The following NRXN1 variants were observed in gnomAD, a reference collection of about 807,000 sequenced individuals.
NRXN1 encodes neurexin-1.
NRXN1 carries 39 observed loss-of-function variants against 150.9 expected under a neutral mutation model. The ratio of observed to expected loss-of-function variants is 0.26; its 90% CI spans 0.20 to 0.34. NRXN1 has a LOEUF of 0.34. NRXN1 is among the 10% of genes least tolerant of loss of function. NRXN1 has a pLI of 1.00. For missense variants in NRXN1, 1,815 were observed against 1,949.9 expected, an observed-to-expected ratio of 0.93 and a Z score of 1.30; for synonymous variants, 924 against 757.0, an observed-to-expected ratio of 1.22 and a Z score of -3.62.
intron 21 of NRXN1, among the ~76,000 whole-genome samples, chr2:50,052,776 A>G (rs1692928352): frequency 6.8e-6 from 1 of 147,564 alleles, no homozygotes; most frequent in South Asian, 2.2e-4. Context: ...TATACCCATC[A>G]TTCACCAAGA....
chr2:50,179,343 G>C (rs1364523503), intron 18 of NRXN1, among the ~76,000 whole-genome samples: 1 of 152,016 alleles, frequency 6.6e-6, no homozygotes, highest in Admixed American at 6.6e-5. Context: ...TTGTTGATCA[G>C]CTCTGTGCAT....
intron 17 of NRXN1, among the ~76,000 whole-genome samples, chr2:50,352,774 AATATT>A (rs778900243): frequency 0.21 from 26,488 of 127,756 alleles, 2,973 homozygotes; most frequent in East Asian, 0.46. Context: ...TAATAATAAT[AATATT>A]ATAATAATAA....
chr2:50,713,694 A>G (rs1695493851), intron 5 of NRXN1, among the ~76,000 whole-genome samples: 1 of 152,232 alleles, frequency 6.6e-6, no homozygotes, highest in East Asian at 1.9e-4. Flanking sequence ...CAAACAAAAA[A>G]AAACAGATAA....
chr2:50,167,403 C>T (rs1404281072), intron 18 of NRXN1, among the ~76,000 whole-genome samples: 1 of 151,904 alleles, frequency 6.6e-6, no homozygotes, highest in East Asian at 1.9e-4. Flanking sequence ...GTCCTGCCTC[C>T]CCCCCGCCTG....
At position 50,379,470 on chromosome 2, in the gene NRXN1, GC is replaced by G. The variant is rs1357983800; in HGVS notation, c.3364+85971del. Among the ~76,000 whole-genome samples the G allele has an allele frequency of 4.6e-5, 7 of 152,128 alleles. No individual in the cohort carries two copies. The East Asian group carries it at 1.3e-3, about 29-fold the overall frequency. ...ACCTCCCTGAGAATCAGTCTCGCTTGCAGGTAGAGTATTGACTGCTAGGCAG... is the reference window on the plus strand; with the variant it reads ...ACCTCCCTGAGAATCAGTCTCGCTTGAGGTAGAGTATTGACTGCTAGGCAG... On this transcript the variant is annotated intron_variant, in intron 17 of 22. Coordinates refer to ENST00000401669, the MANE Select transcript of NRXN1 (RefSeq NM_001330078.2).
chr2:50,203,229 G>C (rs1349452530), intron 18 of NRXN1, among the ~76,000 whole-genome samples: 1 of 152,124 alleles, frequency 6.6e-6, no homozygotes, highest in Non-Finnish European at 1.5e-5. Flanking sequence ...AAGAGGAATA[G>C]CTATTTTCCT....
intron 10 of NRXN1, among the ~76,000 whole-genome samples, chr2:50,531,741 C>T (rs1279056086): frequency 6.6e-6 from 1 of 152,066 alleles, no homozygotes; most frequent in Non-Finnish European, 1.5e-5. Context: ...TTATATGCCC[C>T]CCTTCTCAAG....
intron 17 of NRXN1, among the ~76,000 whole-genome samples, chr2:50,241,325 T>G (rs1216923909): frequency 1.3e-5 from 2 of 151,818 alleles, no homozygotes; most frequent in African/African-American, 4.8e-5. Flanking sequence ...TTTATTTTAC[T>G]ATATAAGTGA....
At chr2:50,718,778 G>A (rs1048702053) in intron 5 of NRXN1, among the ~76,000 whole-genome samples, 3 of 151,948 alleles carry the variant, frequency 2.0e-5, no homozygotes, top group African/African-American at 7.3e-5. Context: ...AGAGAACTAT[G>A]GAAAATAGCA....
intron 18 of NRXN1, among the ~76,000 whole-genome samples, chr2:50,093,929 G>C (rs1401855051): frequency 6.6e-6 from 1 of 152,136 alleles, no homozygotes; most frequent in Non-Finnish European, 1.5e-5. Flanking sequence ...GCTGAGTTTA[G>C]GACTGTTGTG....
At chr2:50,824,301 AGTGTGT>A (rs10651842) in intron 5 of NRXN1, among the ~76,000 whole-genome samples, 68 of 149,192 alleles carry the variant, frequency 4.6e-4, no homozygotes, top group East Asian at 4.4e-3. Context: ...AAACCCTTTG[AGTGTGT>A]GTGTGTGTGT....
In NRXN1 at chr2:50,654,747, T is replaced by C. The variant is rs560098328; in HGVS notation, c.833-31132A>G. ...CTAACTGGTGTGAGATGGTATCTCATTGTGTTTTTGATTTGCATTTCTCTG... is the reference window on the plus strand; with the variant it reads ...CTAACTGGTGTGAGATGGTATCTCACTGTGTTTTTGATTTGCATTTCTCTG... On this transcript the variant is annotated intron_variant, in intron 5 of 22. Coordinates refer to ENST00000401669, the MANE Select transcript of NRXN1 (RefSeq NM_001330078.2). Among the ~76,000 whole-genome samples the C allele has an allele frequency of 1.6e-3, 249 of 152,228 alleles. 1 individual carries two copies. Among genetic ancestry groups the C allele is most frequent in the Non-Finnish European group, 2.9e-3 (198 of 68,004 alleles).
At chr2:50,001,405 A>G (rs747108531) in intron 21 of NRXN1, among the ~76,000 whole-genome samples, 1 of 152,140 alleles carries the variant, frequency 6.6e-6, no homozygotes, top group Non-Finnish European at 1.5e-5. Context: ...TGCATACTAA[A>G]ATTCTTTAAT....
Position 50,965,702 on chromosome 2 carries a change from C to T in NRXN1, c.773-39747G>A, listed in dbSNP as rs549244018. On this transcript the variant is annotated intron_variant, in intron 2 of 22. Transcript: ENST00000401669. Reference sequence around the variant, plus strand: ...CTAGGTAAAACTCACGGTTTTAATGCTGACAAGAAATTAGCAGGTCCTAAC... The same window carrying T: ...CTAGGTAAAACTCACGGTTTTAATGTTGACAAGAAATTAGCAGGTCCTAAC... Among the ~76,000 whole-genome samples, 4 of 151,366 alleles carry T rather than the reference C, an allele frequency of 2.6e-5. No individual in the cohort carries two copies. The East Asian group carries it at 7.8e-4, about 29-fold the overall frequency.
At chr2:50,271,991 A>AG (rs1005324972) in intron 17 of NRXN1, among the ~76,000 whole-genome samples, 23 of 152,208 alleles carry the variant, frequency 1.5e-4, no homozygotes, top group South Asian at 4.2e-4. Context: ...AGTTCCTCCA[A>AG]GGGGGGGTCA....
intron 12 of NRXN1, among the ~76,000 whole-genome samples, chr2:50,511,609 A>C: frequency 6.6e-6 from 1 of 152,172 alleles, no homozygotes; most frequent in Non-Finnish European, 1.5e-5. Context: ...GTTTTCCTTA[A>C]TTCAGTGTAA....
intron 5 of NRXN1, among the ~76,000 whole-genome samples, chr2:50,742,568 A>C (rs1699555124): frequency 6.6e-6 from 1 of 150,568 alleles, no homozygotes; most frequent in African/African-American, 2.4e-5. Context: ...AGATCACGCC[A>C]CTACACTTCA....
chr2:50,447,740 TATATATATATA>T (rs1558748257), intron 17 of NRXN1, among the ~76,000 whole-genome samples: 3,575 of 81,098 alleles, frequency 0.044, 342 homozygotes, highest in East Asian at 0.19. Context: ...GGGAACGTTA[TATATATATATA>T]TATATATATA....
intron 17 of NRXN1, among the ~76,000 whole-genome samples, chr2:50,354,384 C>T (rs538869553): frequency 6.6e-6 from 1 of 151,740 alleles, no homozygotes; most frequent in African/African-American, 2.4e-5. Flanking sequence ...AGCTATGTGG[C>T]CTTGGGCAGG....
Sources: allele counts gnomAD v4.1 joint callset (sites outside exome capture counted in the v4.1 genomes callset), GRCh38; gene constraint gnomAD v4.1.1; transcripts MANE v1.5; gene names NCBI Gene and HGNC (gene_info 2026-07-23, HGNC 2026-07-21).